The following SCPPPQ1 variants were observed in gnomAD, a reference collection of about 807,000 sequenced individuals.
SCPPPQ1 encodes secretory calcium-binding phosphoprotein proline- and glutamine-rich 1.
the SCPPPQ1 span, among the ~76,000 whole-genome samples, chr4:87,463,519 T>G: frequency 6.6e-6 from 1 of 152,196 alleles, no homozygotes; most frequent in East Asian, 1.9e-4. Flanking sequence ...TTATTACATA[T>G]GCAAGTTAGT....
At chr4:87,464,023 C>T in the SCPPPQ1 span, among the ~76,000 whole-genome samples, 1 of 152,196 alleles carries the variant, frequency 6.6e-6, no homozygotes, top group Non-Finnish European at 1.5e-5. Flanking sequence ...ACTGTCCCAA[C>T]TGTGACAGAT....
the SCPPPQ1 span, among the ~76,000 whole-genome samples, chr4:87,470,583 A>T: frequency 1.7e-4 from 26 of 152,132 alleles, no homozygotes; most frequent in African/African-American, 6.0e-4. Flanking sequence ...CTGAAAGGAG[A>T]CATTTTTATG....
the SCPPPQ1 span, among the ~76,000 whole-genome samples, chr4:87,469,289 T>G: frequency 2.6e-5 from 4 of 152,200 alleles, no homozygotes; most frequent in African/African-American, 7.2e-5. Flanking sequence ...GACCCTTCTC[T>G]GCCTTAGATG....
chr4:87,462,498 TTTC>T, the SCPPPQ1 span, among the ~76,000 whole-genome samples: 10 of 152,026 alleles, frequency 6.6e-5, no homozygotes, highest in East Asian at 1.9e-4. Flanking sequence ...TCTTTCTTTC[TTTC>T]TTTTTTTTGG....
chr4:87,465,937 A>G, the SCPPPQ1 span, among the ~76,000 whole-genome samples: 2 of 152,172 alleles, frequency 1.3e-5, no homozygotes, highest in Non-Finnish European at 2.9e-5. Flanking sequence ...TGCTTTGAAG[A>G]TACTAGTCTG....
At chr4:87,467,735 T>C in the SCPPPQ1 span, among the ~76,000 whole-genome samples, 1 of 151,244 alleles carries the variant, frequency 6.6e-6, no homozygotes. Context: ...GTATCAAAAT[T>C]TGGAAAGTTT....
the SCPPPQ1 span, among the ~76,000 whole-genome samples, chr4:87,466,162 C>G: frequency 2.0e-5 from 3 of 152,040 alleles, no homozygotes; most frequent in Non-Finnish European, 4.4e-5. Context: ...CCGAGGCAGG[C>G]AGATCACTTG....
chr4:87,467,929 G>A, the SCPPPQ1 span, among the ~76,000 whole-genome samples: 31,002 of 152,122 alleles, frequency 0.2, 4,054 homozygotes, highest in East Asian at 0.38. Context: ...GACAATGGCA[G>A]ACTTTTAAAA....
At chr4:87,470,474 A>T in the SCPPPQ1 span, among the ~76,000 whole-genome samples, 1 of 152,182 alleles carries the variant, frequency 6.6e-6, no homozygotes, top group Non-Finnish European at 1.5e-5. Context: ...TATGGGAAAA[A>T]TTTTGTAAGA....
chr4:87,468,026 A>C, the SCPPPQ1 span, among the ~76,000 whole-genome samples: 1 of 152,358 alleles, frequency 6.6e-6, no homozygotes, highest in South Asian at 2.1e-4. Context: ...CAAAACAATA[A>C]CAGCAACAAG....
the SCPPPQ1 span, among the ~76,000 whole-genome samples, chr4:87,468,570 A>G: frequency 1.3e-5 from 2 of 152,224 alleles, no homozygotes; most frequent in Non-Finnish European, 2.9e-5. Flanking sequence ...CAAAATGTCT[A>G]TATAGGTGAA....
At chr4:87,462,948 G>A in the SCPPPQ1 span, among the ~76,000 whole-genome samples, 3 of 144,054 alleles carry the variant, frequency 2.1e-5, no homozygotes, top group East Asian at 4.0e-4. Context: ...GCAGTGAGCC[G>A]AGATCACGCC....
At chr4:87,470,485 T>G in the SCPPPQ1 span, among the ~76,000 whole-genome samples, 6 of 152,000 alleles carry the variant, frequency 3.9e-5, no homozygotes, top group Non-Finnish European at 5.9e-5. Flanking sequence ...TTTTGTAAGA[T>G]GTAATGGGTT....
the SCPPPQ1 span, chr4:87,462,183 T>C: frequency 6.6e-6 from 1 of 152,212 alleles, no homozygotes; most frequent in African/African-American, 2.4e-5. Flanking sequence ...GCTGATAAAT[T>C]GAATCCTTAA....
the SCPPPQ1 span, among the ~76,000 whole-genome samples, chr4:87,468,232 T>C: frequency 6.6e-6 from 1 of 152,262 alleles, no homozygotes; most frequent in South Asian, 2.1e-4. Flanking sequence ...GGCTTTTTGC[T>C]TTTAAATTTA....
chr4:87,469,787 A>G, the SCPPPQ1 span, among the ~76,000 whole-genome samples: 58 of 152,166 alleles, frequency 3.8e-4, no homozygotes, highest in Admixed American at 6.5e-4. Flanking sequence ...GTAAGCCTAC[A>G]AGAGTGTTTT....
At chr4:87,466,593 A>C in the SCPPPQ1 span, among the ~76,000 whole-genome samples, 1 of 152,334 alleles carries the variant, frequency 6.6e-6, no homozygotes. Flanking sequence ...AAGTTGAGAG[A>C]AACACAGTTT....
chr4:87,468,580 A>T, the SCPPPQ1 span, among the ~76,000 whole-genome samples: 1 of 152,312 alleles, frequency 6.6e-6, no homozygotes, highest in Non-Finnish European at 1.5e-5. Flanking sequence ...ATATAGGTGA[A>T]GTTAATGATG....
the SCPPPQ1 span, among the ~76,000 whole-genome samples, chr4:87,470,146 G>A: frequency 4.0e-5 from 6 of 151,670 alleles, no homozygotes; most frequent in Middle Eastern, 3.2e-3. Context: ...CTTAGAGATG[G>A]GGTCTTGCTA....
Sources: allele counts gnomAD v4.1 joint callset (sites outside exome capture counted in the v4.1 genomes callset), GRCh38; gene constraint gnomAD v4.1.1; transcripts MANE v1.5; gene names NCBI Gene and HGNC (gene_info 2026-07-23, HGNC 2026-07-21).